The following DOCK7 variants were observed in gnomAD, a reference collection of about 807,000 sequenced individuals.
DOCK7 encodes dedicator of cytokinesis protein 7.
Under a neutral mutation model 271.0 loss-of-function variants are expected in DOCK7, and 138 were observed. The observed-to-expected ratio is 0.51, with a 90% CI of 0.44 to 0.59. The LOEUF is 0.59. DOCK7 is among the 20% of genes least tolerant of loss of function. DOCK7 has a pLI of 0.00. For missense variants in DOCK7, 2,066 were observed against 2,592.4 expected (o/e 0.80, Z 4.41); for synonymous variants, 823 against 876.1 (o/e 0.94, Z 1.07).
Position 62,528,090 on chromosome 1 carries a change from C to A in DOCK7, c.3936+61G>T, listed in dbSNP as rs901037938. ...TACAATCATCTCATATATTTAAGGG[C>A]ATATCCTAGTAAATATTTGTCTTTC... On this transcript the variant is annotated intron_variant, in intron 31 of 49. Coordinates refer to ENST00000635253, the MANE Select transcript of DOCK7 (RefSeq NM_001367561.1). The A allele has an allele frequency of 1.5e-4, 231 of 1,527,346 alleles. No homozygotes were observed. In the Admixed American group the frequency reaches 4.0e-3, roughly 26 times the overall value. 94.6% of individuals were successfully genotyped at this position (1,527,346 alleles called of 1,614,324 possible). A position where few individuals can be genotyped will look rare whatever the true frequency, so the allele number is the denominator to read the frequency against.
chr1:62,458,894 T>A (rs1304269675), intron 48 of DOCK7: 1 of 152,188 alleles, frequency 6.6e-6, no homozygotes, highest in Non-Finnish European at 1.5e-5. Context: ...GAAAAGTATC[T>A]GGACCCTGAC....
At chr1:62,490,900 C>A (rs1335752561) in intron 41 of DOCK7, among the ~76,000 whole-genome samples, 1 of 152,152 alleles carries the variant, frequency 6.6e-6, no homozygotes, top group African/African-American at 2.4e-5. Flanking sequence ...AGAGGATCGA[C>A]ACCTAATATT....
chr1:62,576,980 A>G (rs2149480474), intron 18 of DOCK7, among the ~76,000 whole-genome samples: 1 of 152,334 alleles, frequency 6.6e-6, no homozygotes, highest in East Asian at 1.9e-4. Flanking sequence ...ACAGTATGAA[A>G]ATTCTCCAAA....
At chr1:62,643,094 T>C (rs1027599628) in intron 7 of DOCK7, among the ~76,000 whole-genome samples, 1 of 152,174 alleles carries the variant, frequency 6.6e-6, no homozygotes, top group Non-Finnish European at 1.5e-5. Flanking sequence ...GTCAGCCCAC[T>C]GGACAATGGG....
intron 14 of DOCK7, chr1:62,604,566 G>A: frequency 6.7e-7 from 1 of 1,487,196 alleles, no homozygotes; most frequent in Non-Finnish European, 9.4e-7. Context: ...TAAACTTACG[G>A]GGAAATACAG....
Position 62,475,363 on chromosome 1 carries a change from A to G in DOCK7, c.5962-12T>C. The stretch of plus-strand genomic sequence containing the variant: ...GGTGTTAAGATGATCTGAGTAAAAG[A>G]GCATCTGTTAAATCAGTGTACTGAC... On this transcript the variant is annotated splice_polypyrimidine_tract_variant and intron_variant, in intron 46 of 49. Coordinates refer to ENST00000635253, the MANE Select transcript of DOCK7 (RefSeq NM_001367561.1). 1.9e-6 allele frequency: 3 copies of G among 1,613,094 alleles called. No individual in the cohort carries two copies. The highest frequency in any genetic ancestry group is 1.1e-5 in the South Asian group (1 of 90,886).
At position 62,510,653 on chromosome 1, in the gene DOCK7, C is replaced by A. The variant is rs1257521226; in HGVS notation, c.4303G>T (p.Ala1435Ser). The A allele has an allele frequency of 5.6e-6, 9 of 1,613,010 alleles. No homozygotes were observed. Among genetic ancestry groups the A allele is most frequent in the Non-Finnish European group, 7.6e-6 (9 of 1,179,486 alleles). ...SPPERSPSGS[A>S]FGSQENLRWR... is the part of the protein sequence containing the mutation. ...CTCAAATTTTCTTGACTTCCAAAGG[C>A]ACTTCCAGATGGGCTTCTCTCTGTC... The change falls in exon 34 of 50, where the codon GCC (alanine) becomes TCC (serine). Residue 1435 changes from alanine to serine, a missense_variant. Physicochemically the swap from Ala to Ser is moderately conservative, Grantham distance 99. Around this residue, in one of 2 missense-constraint regions of DOCK7, gnomAD observed 652 missense variants for 922.1 expected, o/e 0.71. Transcript: ENST00000635253.
At chr1:62,669,501 G>A (rs1200205664) in intron 1 of DOCK7, among the ~76,000 whole-genome samples, 1 of 152,206 alleles carries the variant, frequency 6.6e-6, no homozygotes, top group Non-Finnish European at 1.5e-5. Flanking sequence ...ATTCTATGCT[G>A]TCTCTTACTT....
At chr1:62,641,785 T>C (rs764204151) in intron 7 of DOCK7, 3 of 280,038 alleles carry the variant, frequency 1.1e-5, no homozygotes, top group Non-Finnish European at 2.2e-5. Context: ...CAAACAATTA[T>C]AGTACAGTTT....
intron 14 of DOCK7, among the ~76,000 whole-genome samples, chr1:62,616,867 T>C (rs1363181014): frequency 6.6e-6 from 1 of 151,686 alleles, no homozygotes; most frequent in Non-Finnish European, 1.5e-5. Flanking sequence ...TCAAGGGTAC[T>C]GCTTAAAGCC....
intron 12 of DOCK7, 180 bp downstream of exon 12, chr1:62,625,079 A>T: frequency 2.1e-6 from 1 of 468,972 alleles, no homozygotes; most frequent in Non-Finnish European, 3.6e-6. Flanking sequence ...TGCTAAAATA[A>T]TAGGAACAAT....
intron 29 of DOCK7, among the ~76,000 whole-genome samples, chr1:62,533,075 C>G (rs534049732): frequency 1.3e-5 from 2 of 152,126 alleles, no homozygotes; most frequent in Non-Finnish European, 2.9e-5. Context: ...AAAAACCTAT[C>G]TTTCTGGGGG....
intron 12 of DOCK7, among the ~76,000 whole-genome samples, chr1:62,620,322 AAAAT>A (rs534928121): frequency 7.8e-4 from 110 of 141,896 alleles, no homozygotes; most frequent in Non-Finnish European, 4.8e-4. Flanking sequence ...CTCAAAAATA[AAAAT>A]AAATAAATAA....
intron 18 of DOCK7, among the ~76,000 whole-genome samples, chr1:62,567,048 C>A (rs1324829660): frequency 6.6e-6 from 1 of 152,158 alleles, no homozygotes. Context: ...CAGAAAGCAA[C>A]AGATGCTGGA....
At chr1:62,664,607 T>A (rs542475903) in intron 1 of DOCK7, among the ~76,000 whole-genome samples, 3 of 152,268 alleles carry the variant, frequency 2.0e-5, no homozygotes, top group Middle Eastern at 3.4e-3. Context: ...AACTTTTAGT[T>A]AATAACAATG....
chr1:62,513,328 C>A lies in DOCK7; in HGVS notation c.4282+116G>T, dbSNP rs560792575. On this transcript the variant is annotated intron_variant, in intron 33 of 49. Coordinates refer to ENST00000635253, the MANE Select transcript of DOCK7 (RefSeq NM_001367561.1). ...TTATTACTGCAGAGAAATGATTATT[C>A]AAGTTAATTCACAGTTACACTTAAA... 1.4e-3 allele frequency: 1,102 copies of A among 790,380 alleles called. 1 individual carries two copies. Among genetic ancestry groups the A allele is most frequent in the Non-Finnish European group, 1.7e-3 (1,052 of 621,476 alleles). The allele number at this position is 790,380 out of a possible 1,614,324, so 49.0% of individuals were successfully genotyped here.
At chr1:62,688,189 G>A (rs767680374) in intron 1 of DOCK7, 38 bp downstream of exon 1, 4 of 1,356,892 alleles carry the variant, frequency 2.9e-6, no homozygotes, top group Non-Finnish European at 3.8e-6. Flanking sequence ...GCTCTTTCTC[G>A]GGCGGCGGCG....
At chr1:62,681,044 C>T (rs1230273143) in intron 1 of DOCK7, among the ~76,000 whole-genome samples, 1 of 152,100 alleles carries the variant, frequency 6.6e-6, no homozygotes, top group Non-Finnish European at 1.5e-5. Context: ...GGTATATACC[C>T]AAAGGATTAT....
intron 14 of DOCK7, chr1:62,598,113 TA>T (rs774491580): frequency 3.2e-5 from 47 of 1,470,560 alleles, no homozygotes; most frequent in South Asian, 1.7e-4. Context: ...GTGGATCTTT[TA>T]AAAAAAATAT....
Sources: gnomAD v4.1 joint callset for allele counts (sites outside exome capture counted in the v4.1 genomes callset) on GRCh38, gnomAD v4.1.1 for gene constraint, gnomAD v4.1.1 regional missense constraint, MANE v1.5 for transcripts, NCBI Gene and HGNC (gene_info 2026-07-23, HGNC 2026-07-21) for gene names.